Variants in QTMAN observed in about 807,000 individuals in gnomAD.
QTMAN encodes the protein queuosine-tRNA mannosyltransferase, also known as tRNA-queuosine alpha-mannosyltransferase.
the QTMAN span, among the ~76,000 whole-genome samples, chr2:144,203,433 G>A: frequency 6.6e-6 from 1 of 152,136 alleles, no homozygotes; most frequent in Non-Finnish European, 1.5e-5. Context: ...AGCCCTAAGG[G>A]CCATGCAAGT....
At chr2:144,325,419 T>C in the QTMAN span, among the ~76,000 whole-genome samples, 11 of 150,564 alleles carry the variant, frequency 7.3e-5, no homozygotes, top group South Asian at 2.1e-4. Flanking sequence ...AACAAAACTA[T>C]AGAGCAACTT....
the QTMAN span, among the ~76,000 whole-genome samples, chr2:144,079,404 A>G: frequency 1.3e-5 from 2 of 152,178 alleles, no homozygotes; most frequent in Non-Finnish European, 2.9e-5. Context: ...AAACTAGATC[A>G]TATGCATTTT....
chr2:144,095,247 T>C, the QTMAN span, among the ~76,000 whole-genome samples: 1 of 152,244 alleles, frequency 6.6e-6, no homozygotes, highest in Non-Finnish European at 1.5e-5. Context: ...ATATGTCCAT[T>C]ACATTAGAAA....
At chr2:144,101,879 T>C in the QTMAN span, among the ~76,000 whole-genome samples, 3 of 152,202 alleles carry the variant, frequency 2.0e-5, no homozygotes, top group Non-Finnish European at 4.4e-5. Flanking sequence ...TCTGTGTCAT[T>C]CAAAATTCTA....
the QTMAN span, among the ~76,000 whole-genome samples, chr2:144,114,400 A>G: frequency 6.6e-6 from 1 of 152,202 alleles, no homozygotes; most frequent in Non-Finnish European, 1.5e-5. Context: ...TGCTGGCTCC[A>G]CTTGCCAAAA....
chr2:144,055,528 A>T, the QTMAN span, among the ~76,000 whole-genome samples: 1 of 151,992 alleles, frequency 6.6e-6, no homozygotes, highest in Non-Finnish European at 1.5e-5. Context: ...TTTTGTTCTT[A>T]TCTCAGGATT....
At chr2:144,049,533 G>A in the QTMAN span, among the ~76,000 whole-genome samples, 2 of 152,090 alleles carry the variant, frequency 1.3e-5, no homozygotes, top group African/African-American at 4.8e-5. Context: ...ATAAAATAAT[G>A]AGCATTATCT....
At chr2:144,104,689 T>C in the QTMAN span, among the ~76,000 whole-genome samples, 14 of 152,310 alleles carry the variant, frequency 9.2e-5, no homozygotes, top group African/African-American at 3.4e-4. Flanking sequence ...GGGCAGGGCA[T>C]AGCCAAACAA....
chr2:144,034,998 T>C, the QTMAN span, among the ~76,000 whole-genome samples: 1 of 152,186 alleles, frequency 6.6e-6, no homozygotes, highest in African/African-American at 2.4e-5. Context: ...TGGCAACTAA[T>C]ATAGTTTGGA....
chr2:144,297,024 A>C, the QTMAN span, among the ~76,000 whole-genome samples: 1 of 152,236 alleles, frequency 6.6e-6, no homozygotes, highest in Non-Finnish European at 1.5e-5. Context: ...TTACTGTTTT[A>C]GTTTTATAAA....
chr2:144,055,712 C>T, the QTMAN span, among the ~76,000 whole-genome samples: 4 of 152,204 alleles, frequency 2.6e-5, no homozygotes, highest in South Asian at 8.3e-4. Context: ...GTGGCAAGTA[C>T]CCTATTTCCC....
the QTMAN span, among the ~76,000 whole-genome samples, chr2:144,316,182 G>C: frequency 6.6e-6 from 1 of 151,078 alleles, no homozygotes; most frequent in African/African-American, 2.4e-5. Context: ...TGAGGCTGCA[G>C]TAAGCCATGT....
At chr2:143,977,902 T>C in the QTMAN span, among the ~76,000 whole-genome samples, 2 of 152,182 alleles carry the variant, frequency 1.3e-5, no homozygotes, top group African/African-American at 2.4e-5. Flanking sequence ...CATTTTGCTT[T>C]TTTCTCATAT....
chr2:144,022,713 G>A, the QTMAN span, among the ~76,000 whole-genome samples: 8 of 151,912 alleles, frequency 5.3e-5, no homozygotes, highest in South Asian at 4.2e-4. Context: ...ACAGACGCAC[G>A]CCACTGCGTC....
At chr2:143,977,745 T>C in the QTMAN span, among the ~76,000 whole-genome samples, 1 of 152,174 alleles carries the variant, frequency 6.6e-6, no homozygotes, top group African/African-American at 2.4e-5. Context: ...TGGGCCATGA[T>C]ACAGAAATTA....
the QTMAN span, among the ~76,000 whole-genome samples, chr2:144,094,942 A>G: frequency 6.6e-6 from 1 of 152,328 alleles, no homozygotes; most frequent in South Asian, 2.1e-4. Context: ...GGACAGGATC[A>G]CATCTTATTC....
the QTMAN span, among the ~76,000 whole-genome samples, chr2:144,162,703 T>C: frequency 6.6e-6 from 1 of 152,122 alleles, no homozygotes; most frequent in East Asian, 1.9e-4. Flanking sequence ...TAGGGGTGAA[T>C]GTCAGCTGGA....
the QTMAN span, among the ~76,000 whole-genome samples, chr2:144,053,021 A>G: frequency 6.6e-6 from 1 of 152,238 alleles, no homozygotes; most frequent in Non-Finnish European, 1.5e-5. Flanking sequence ...CTCCACATAC[A>G]TATCGATGTC....
chr2:144,248,801 T>A, the QTMAN span, among the ~76,000 whole-genome samples: 1 of 152,064 alleles, frequency 6.6e-6, no homozygotes, highest in African/African-American at 2.4e-5. Context: ...ATAATAGTCA[T>A]ATAAAATATA....
Sources: allele counts gnomAD v4.1 joint callset (sites outside exome capture counted in the v4.1 genomes callset), GRCh38; gene constraint gnomAD v4.1.1; transcripts MANE v1.5; gene names NCBI Gene and HGNC (gene_info 2026-07-23, HGNC 2026-07-21).